The following NUDCD1 variants were observed in gnomAD, a reference collection of about 807,000 sequenced individuals.
The protein encoded by NUDCD1 is nudC domain-containing protein 1.
Under a neutral mutation model 67.8 loss-of-function variants are expected in NUDCD1, and 60 were observed. The observed-to-expected ratio is 0.88, with a 90% CI of 0.72 to 1.10. The LOEUF (loss-of-function observed/expected upper bound fraction) is 1.10, where lower values mean the gene tolerates loss of function less well. Ranked by LOEUF, NUDCD1 falls within the 50% of genes least tolerant of loss-of-function variation. The pLI is 0.00. For missense variants in NUDCD1, 643 were observed against 695.0 expected (o/e 0.93, Z 0.84); for synonymous variants, 244 against 230.8 (o/e 1.06, Z -0.52).
At chr8:109,324,201 A>C (rs1815609645) in intron 1 of NUDCD1, among the ~76,000 whole-genome samples, 1 of 151,118 alleles carries the variant, frequency 6.6e-6, no homozygotes, top group African/African-American at 2.5e-5. Flanking sequence ...TTGCTGTTGA[A>C]GCAAAAAAAA....
At chr8:109,321,906 A>T (rs774708384) in intron 2 of NUDCD1, among the ~76,000 whole-genome samples, 9 of 152,204 alleles carry the variant, frequency 5.9e-5, no homozygotes, top group Non-Finnish European at 1.2e-4. Flanking sequence ...TAAAAGAATC[A>T]ATTCAGTATA....
intron 8 of NUDCD1, among the ~76,000 whole-genome samples, chr8:109,248,053 G>T (rs75708618): frequency 0.071 from 10,738 of 152,160 alleles, 1,228 homozygotes; most frequent in African/African-American, 0.24. Flanking sequence ...TCTTAGGGAG[G>T]GAGGAGGGCC....
chr8:109,298,296 G>C (rs1321254546), intron 2 of NUDCD1, among the ~76,000 whole-genome samples: 1 of 152,056 alleles, frequency 6.6e-6, no homozygotes, highest in Non-Finnish European at 1.5e-5. Context: ...AGAGAGAACA[G>C]AGACTATCAA....
intron 4 of NUDCD1, among the ~76,000 whole-genome samples, chr8:109,291,880 T>C (rs933560519): frequency 1.3e-5 from 2 of 152,046 alleles, no homozygotes; most frequent in East Asian, 3.9e-4. Context: ...ACCAAGTGTC[T>C]TGGAGAAAGG....
At chr8:109,318,466 G>A (rs1346251387) in intron 2 of NUDCD1, among the ~76,000 whole-genome samples, 3 of 152,118 alleles carry the variant, frequency 2.0e-5, no homozygotes, top group Non-Finnish European at 4.4e-5. Flanking sequence ...AAATTTATTT[G>A]ATCAGAGAGA....
At chr8:109,249,141 C>A (rs1444482427) in intron 8 of NUDCD1, among the ~76,000 whole-genome samples, 5 of 152,158 alleles carry the variant, frequency 3.3e-5, no homozygotes, top group Non-Finnish European at 4.4e-5. Flanking sequence ...GTAACTACTA[C>A]TCACTTCACA....
intron 3 of NUDCD1, among the ~76,000 whole-genome samples, chr8:109,293,821 C>G (rs911819086): frequency 6.6e-6 from 1 of 151,888 alleles, no homozygotes; most frequent in African/African-American, 2.4e-5. Flanking sequence ...GTGTGTATGC[C>G]TTTTTCCTGT....
In NUDCD1 at chr8:109,314,226, G is replaced by A. The variant is rs538540756; in HGVS notation, c.273+8083C>T. Among the ~76,000 whole-genome samples the A allele has an allele frequency of 3.3e-5, 5 of 152,164 alleles. No individual in the cohort carries two copies. In the East Asian group the frequency reaches 5.8e-4, roughly 18 times the overall value. On this transcript the variant is annotated intron_variant, in intron 2 of 9. Transcript: ENST00000239690. ...TCACAAAAAGAGTTAATGTAACTAC[G>A]TTCAAGGGCTAACACTGAAAATCAT...
rs769468671 is a variant in NUDCD1 at position 109,275,314 on chromosome 8, G to C, written c.1173+38C>G. The C allele has an allele frequency of 7.6e-6, 12 of 1,580,114 alleles. No homozygotes were observed. In the African/African-American group the frequency reaches 8.2e-5, roughly 11 times the overall value. ...ATAATCTTCACATAACATATTTTTG[G>C]ACCCTTGGAAAGTCACACTACTATT... On this transcript the variant is annotated intron_variant, in intron 7 of 9. Transcript: ENST00000239690.
chr8:109,312,529 C>T (rs1243714448), intron 2 of NUDCD1, among the ~76,000 whole-genome samples: 1 of 152,120 alleles, frequency 6.6e-6, no homozygotes, highest in Admixed American at 6.6e-5. Context: ...TACTGTTTGA[C>T]ATGATTCCAC....
At chr8:109,304,650 G>C (rs951361158) in intron 2 of NUDCD1, among the ~76,000 whole-genome samples, 3 of 152,104 alleles carry the variant, frequency 2.0e-5, no homozygotes, top group East Asian at 1.9e-4. Flanking sequence ...TCTACGTAAG[G>C]GTCCTCCATC....
At chr8:109,292,404 T>C (rs948908579) in intron 4 of NUDCD1, among the ~76,000 whole-genome samples, 29 of 145,518 alleles carry the variant, frequency 2.0e-4, no homozygotes, top group African/African-American at 6.8e-4. Context: ...AGTTTATTTA[T>C]AAACAATTTT....
chr8:109,259,065 T>C (rs1476631238), intron 8 of NUDCD1, among the ~76,000 whole-genome samples: 1 of 152,248 alleles, frequency 6.6e-6, no homozygotes, highest in East Asian at 1.9e-4. Flanking sequence ...ATTTTCTGCA[T>C]ATCTTTGAAG....
chr8:109,306,570 TAAA>T (rs372844823), intron 2 of NUDCD1, among the ~76,000 whole-genome samples: 1 of 146,388 alleles, frequency 6.8e-6, no homozygotes, highest in African/African-American at 2.5e-5. Context: ...TATGACAACA[TAAA>T]AAAAAAACTC....
chr8:109,291,612 A>G (rs1586283541), intron 4 of NUDCD1, among the ~76,000 whole-genome samples: 3 of 152,308 alleles, frequency 2.0e-5, no homozygotes, highest in African/African-American at 2.4e-5. Flanking sequence ...AAGAAAAAGA[A>G]GAAAAAAACC....
At chr8:109,315,961 A>G (rs1310547280) in intron 2 of NUDCD1, 3 of 152,180 alleles carry the variant, frequency 2.0e-5, no homozygotes, top group African/African-American at 7.2e-5. Flanking sequence ...AACCTCACAC[A>G]TATATTCTTA....
chr8:109,305,236 T>C (rs527707692), intron 2 of NUDCD1, among the ~76,000 whole-genome samples: 1 of 152,320 alleles, frequency 6.6e-6, no homozygotes, highest in Non-Finnish European at 1.5e-5. Flanking sequence ...CCTCTTGGTC[T>C]GGGTAGACAC....
intron 4 of NUDCD1, among the ~76,000 whole-genome samples, chr8:109,290,641 CAATT>C (rs980363149): frequency 6.6e-6 from 1 of 152,058 alleles, no homozygotes; most frequent in Non-Finnish European, 1.5e-5. Context: ...AAGATATAAA[CAATT>C]AACTGTATTC....
intron 8 of NUDCD1, 33 bp from the exon 9 acceptor site, chr8:109,245,514 C>A: frequency 6.5e-7 from 1 of 1,547,906 alleles, no homozygotes; most frequent in Non-Finnish European, 8.8e-7. Context: ...ATTTACTCAA[C>A]AACAAATTAA....
Sources: gnomAD v4.1 joint callset for allele counts (sites outside exome capture counted in the v4.1 genomes callset) on GRCh38, gnomAD v4.1.1 for gene constraint, MANE v1.5 for transcripts, NCBI Gene and HGNC (gene_info 2026-07-23, HGNC 2026-07-21) for gene names.